Variants in NPAS3 observed in about 807,000 individuals in gnomAD.
The protein encoded by NPAS3 is neuronal PAS domain protein 3, also known as neuronal PAS domain-containing protein 3.
Under a neutral mutation model 73.1 loss-of-function variants are expected in NPAS3, and 14 were observed. The observed-to-expected ratio is 0.19, with a 90% CI of 0.13 to 0.30. The LOEUF (loss-of-function observed/expected upper bound fraction) is 0.30, where lower values mean the gene tolerates loss of function less well. NPAS3 is among the 10% of genes least tolerant of loss of function. The probability of loss-of-function intolerance (pLI) is 1.00; values close to 1 mark genes in which losing one functional copy is unlikely to be tolerated. For missense variants in NPAS3, 1,096 were observed against 1,250.0 expected (o/e 0.88, Z 1.86); for synonymous variants, 620 against 541.5 (o/e 1.14, Z -2.01).
chr14:33,776,744 C>A (rs886465134), intron 8 of NPAS3, among the ~76,000 whole-genome samples: 2 of 151,954 alleles, frequency 1.3e-5, no homozygotes, highest in Non-Finnish European at 2.9e-5. Context: ...CCTCACCAAC[C>A]TTTTGGATTA....
chr14:33,210,085 A>G (rs1356044554), intron 2 of NPAS3, among the ~76,000 whole-genome samples: 2 of 152,218 alleles, frequency 1.3e-5, no homozygotes, highest in Non-Finnish European at 2.9e-5. Flanking sequence ...CTGTGGATGT[A>G]CAGCTATATT....
chr14:33,354,704 A>G (rs914704697), intron 3 of NPAS3, among the ~76,000 whole-genome samples: 2 of 152,130 alleles, frequency 1.3e-5, no homozygotes, highest in African/African-American at 4.8e-5. Flanking sequence ...ATGTCCTATC[A>G]CAGGAAAGGA....
At chr14:33,226,838 TAC>T (rs2139746213) in intron 3 of NPAS3, among the ~76,000 whole-genome samples, 1 of 152,338 alleles carries the variant, frequency 6.6e-6, no homozygotes, top group African/African-American at 2.4e-5. Context: ...CGTATAATTT[TAC>T]AGTTTGGGAA....
At chr14:33,460,462 C>T (rs2139488847) in intron 4 of NPAS3, among the ~76,000 whole-genome samples, 1 of 152,252 alleles carries the variant, frequency 6.6e-6, no homozygotes, top group East Asian at 1.9e-4. Context: ...CCATGTTATA[C>T]AAGTAAATGC....
intron 2 of NPAS3, among the ~76,000 whole-genome samples, chr14:33,114,113 G>T (rs891915234): frequency 1.3e-5 from 2 of 152,066 alleles, no homozygotes; most frequent in Non-Finnish European, 2.9e-5. Context: ...TTGACTTGCT[G>T]CAACCTCTGC....
At chr14:33,361,366 T>A (rs2045592706) in intron 3 of NPAS3, among the ~76,000 whole-genome samples, 2 of 152,346 alleles carry the variant, frequency 1.3e-5, no homozygotes, top group South Asian at 4.1e-4. Context: ...ATGAATACTA[T>A]TTAATTCTCA....
At chr14:33,583,718 T>C (rs2056764485) in intron 5 of NPAS3, among the ~76,000 whole-genome samples, 1 of 152,170 alleles carries the variant, frequency 6.6e-6, no homozygotes, top group African/African-American at 2.4e-5. Flanking sequence ...TATAGACATA[T>C]GTAGTCAGCA....
chr14:33,275,184 T>A (rs1875287), intron 3 of NPAS3, among the ~76,000 whole-genome samples: 65,050 of 152,084 alleles, frequency 0.43, 15,088 homozygotes, highest in African/African-American at 0.6. Context: ...CAGAATGATG[T>A]ATCTGCAAGT....
intron 4 of NPAS3, among the ~76,000 whole-genome samples, chr14:33,438,406 C>T (rs1014795732): frequency 2.6e-5 from 4 of 152,012 alleles, no homozygotes; most frequent in Non-Finnish European, 5.9e-5. Context: ...CTTTCCTGGC[C>T]GAATGGGGGA....
chr14:33,700,944 G>A (rs2060508694), intron 6 of NPAS3, among the ~76,000 whole-genome samples: 1 of 152,196 alleles, frequency 6.6e-6, no homozygotes, highest in Non-Finnish European at 1.5e-5. Flanking sequence ...AGGTTCTGGA[G>A]GAAAAAGAGA....
intron 7 of NPAS3, among the ~76,000 whole-genome samples, chr14:33,764,760 C>T (rs1357975194): frequency 6.6e-6 from 1 of 152,242 alleles, no homozygotes; most frequent in African/African-American, 2.4e-5. Context: ...AAAAAGTTCC[C>T]CTCCACAGTA....
intron 1 of NPAS3, among the ~76,000 whole-genome samples, chr14:33,031,081 C>G (rs1189103532): frequency 6.6e-6 from 1 of 152,122 alleles, no homozygotes; most frequent in African/African-American, 2.4e-5. Context: ...CTTATACATG[C>G]AGGCATTGAT....
At chr14:33,257,056 T>A (rs1200883091) in intron 3 of NPAS3, among the ~76,000 whole-genome samples, 1 of 152,172 alleles carries the variant, frequency 6.6e-6, no homozygotes, top group Non-Finnish European at 1.5e-5. Context: ...TTTCATATAC[T>A]CCTGGTTAGC....
At chr14:33,504,706 A>G (rs372399634) in intron 4 of NPAS3, among the ~76,000 whole-genome samples, 10 of 152,110 alleles carry the variant, frequency 6.6e-5, no homozygotes, top group African/African-American at 2.4e-4. Flanking sequence ...TGTGTTGGCA[A>G]TTCTTCTGGC....
intron 2 of NPAS3, among the ~76,000 whole-genome samples, chr14:33,090,223 G>A (rs1037009992): frequency 7.2e-5 from 11 of 152,164 alleles, no homozygotes; most frequent in Non-Finnish European, 1.6e-4. Context: ...TAAAAGTCAA[G>A]GCCCATCAGT....
intron 3 of NPAS3, among the ~76,000 whole-genome samples, chr14:33,328,747 C>T (rs1003104849): frequency 6.6e-6 from 1 of 151,974 alleles, no homozygotes; most frequent in Non-Finnish European, 1.5e-5. Flanking sequence ...CTACCTTTTC[C>T]GTTCCTTTGG....
intron 4 of NPAS3, among the ~76,000 whole-genome samples, chr14:33,399,386 C>T (rs190989348): frequency 6.6e-6 from 1 of 152,048 alleles, no homozygotes; most frequent in East Asian, 1.9e-4. Context: ...AGGCAGATGT[C>T]CCTGAAAGTA....
chr14:33,363,922 C>CTGTGTGTGTGTG (rs10627532), intron 3 of NPAS3, among the ~76,000 whole-genome samples: 24,738 of 148,670 alleles, frequency 0.17, 2,092 homozygotes, highest in South Asian at 0.21. Context: ...GCAATGCCCT[C>CTGTGTGTGTGTG]TGTGTGTGTG....
At chr14:33,270,637 A>G (rs956700973) in intron 3 of NPAS3, among the ~76,000 whole-genome samples, 1 of 152,236 alleles carries the variant, frequency 6.6e-6, no homozygotes, top group African/African-American at 2.4e-5. Flanking sequence ...AATGAGGACC[A>G]TTGATAAGGT....
Sources: allele counts gnomAD v4.1 joint callset (sites outside exome capture counted in the v4.1 genomes callset), GRCh38; gene constraint gnomAD v4.1.1; transcripts MANE v1.5; gene names NCBI Gene and HGNC (gene_info 2026-07-23, HGNC 2026-07-21).